Variants in XPO7 observed in about 807,000 individuals in gnomAD.
The protein encoded by XPO7 is exportin-7.
XPO7 carries 21 observed loss-of-function variants against 144.3 expected under a neutral mutation model. The observed-to-expected ratio is 0.15, with a 90% confidence interval of 0.10 to 0.21. The LOEUF (loss-of-function observed/expected upper bound fraction) is 0.21. XPO7 is among the 10% of genes least tolerant of loss of function. The pLI is 1.00. For missense variants in XPO7, 808 were observed against 1,325.8 expected, an observed-to-expected ratio of 0.61 and a Z score of 6.06; for synonymous variants, 580 against 499.6, an observed-to-expected ratio of 1.16 and a Z score of -2.15.
chr8:22,003,796 A>C, intron 26 of XPO7, 107 bp from the exon 27 acceptor site: 1 of 1,507,790 alleles, frequency 6.6e-7, no homozygotes, highest in Non-Finnish European at 9.0e-7. Flanking sequence ...TTTAGTAGAC[A>C]TTCCATTCCT....
At chr8:21,960,665 G>A (rs1585442902) in intron 1 of XPO7, among the ~76,000 whole-genome samples, 2 of 152,176 alleles carry the variant, frequency 1.3e-5, no homozygotes, top group South Asian at 4.1e-4. Context: ...ATTATCACTT[G>A]CTGAAAATAA....
rs779636992 is a variant in XPO7, at chr8:21,919,804, G to T, written c.18+16G>T. 3.0e-5 allele frequency: 15 copies of T among 494,112 alleles called. No homozygotes were observed. The highest frequency in any genetic ancestry group is 4.6e-5 in the Non-Finnish European group (15 of 325,778). 30.6% of individuals were successfully genotyped at this position (494,112 alleles called of 1,614,324 possible). On this transcript the variant is annotated intron_variant, in intron 1 of 27. Transcript: ENST00000252512. ...TCATGTGCAGGTGAGAGGAGCCGCG[G>T]GGGGGAGGGGGCGACCACGAAGAGC...
chr8:21,999,786 G>T lies in XPO7; in HGVS notation c.2782+112G>T. 7.9e-6 allele frequency: 11 copies of T among 1,392,336 alleles called. No individual in the cohort carries two copies. In the South Asian group the frequency reaches 1.3e-4, roughly 17 times the overall value. 86.2% of individuals were successfully genotyped at this position (1,392,336 alleles called of 1,614,324 possible). A position where few individuals can be genotyped will look rare whatever the true frequency, so the allele number is the denominator to read the frequency against. On this transcript the variant is annotated intron_variant, in intron 24 of 27. Transcript: ENST00000252512. ...CAAAAAGATCACCACTGCCTTGGGG[G>T]TTTGGCCATAACAATAGAGTATATA... is the stretch of plus-strand genomic sequence containing the variant.
Position 21,966,810 on chromosome 8 carries a change from A to T in XPO7, c.19-47A>T, listed in dbSNP as rs1811900135. On this transcript the variant is annotated intron_variant, in intron 1 of 27. Coordinates refer to ENST00000252512, the MANE Select transcript of XPO7 (RefSeq NM_015024.5). ...ATTAATTTTAAGCACAGTTGCTTAC[A>T]TTTGTAGTAGGCTGAACTGTTTTCT... 2.6e-6 allele frequency: 4 copies of T among 1,566,154 alleles called. No homozygotes were observed. The East Asian group carries it at 9.1e-5, about 36-fold the overall frequency.
At chr8:21,960,870 C>T (rs1007589043) in intron 1 of XPO7, among the ~76,000 whole-genome samples, 15 of 152,092 alleles carry the variant, frequency 9.9e-5, no homozygotes, top group Admixed American at 2.0e-4. Context: ...ACTTCTTTTC[C>T]ATTAGTATTA....
At chr8:21,945,776 T>G (rs373156765) in intron 1 of XPO7, among the ~76,000 whole-genome samples, 4 of 152,218 alleles carry the variant, frequency 2.6e-5, no homozygotes, top group Admixed American at 6.5e-5. Context: ...TAGATCCTCT[T>G]TAAATTTGAA....
intron 1 of XPO7, among the ~76,000 whole-genome samples, chr8:21,928,069 A>G (rs1449043447): frequency 6.6e-6 from 1 of 152,220 alleles, no homozygotes; most frequent in Non-Finnish European, 1.5e-5. Context: ...CAAAATATGG[A>G]ACATTTCCTC....
intron 21 of XPO7, among the ~76,000 whole-genome samples, chr8:21,996,474 A>G (rs530080444): frequency 2.4e-4 from 36 of 152,224 alleles, no homozygotes; most frequent in Non-Finnish European, 4.4e-4. Flanking sequence ...AAATTTGGCA[A>G]CCAAGATTCT....
rs146770260 is a variant in XPO7, at chr8:21,920,244, C to G, written c.18+456C>G. ...AAACCTCGCGCTGATAAACCTCGCT[C>G]TCCGGAGTCTTTCCCGCCGCCTTCC... On this transcript the variant is annotated intron_variant, in intron 1 of 27. Coordinates refer to ENST00000252512, the MANE Select transcript of XPO7 (RefSeq NM_015024.5). 2.8e-3 allele frequency among the ~76,000 whole-genome samples: 433 copies of G among 152,200 alleles called. 1 individual carries two copies. Among genetic ancestry groups the G allele is most frequent in the Non-Finnish European group, 5.0e-3 (339 of 67,990 alleles).
intron 1 of XPO7, among the ~76,000 whole-genome samples, chr8:21,963,549 G>T (rs1051641373): frequency 2.0e-5 from 3 of 152,110 alleles, no homozygotes; most frequent in African/African-American, 7.2e-5. Flanking sequence ...TAAAAAATTA[G>T]CTGGGCGTGG....
intron 21 of XPO7, among the ~76,000 whole-genome samples, chr8:21,998,428 A>G (rs1029246204): frequency 1.6e-4 from 25 of 152,192 alleles, no homozygotes; most frequent in Admixed American, 6.5e-5. Flanking sequence ...GCGACAGAGT[A>G]AGACTCCATC....
rs766334434 is a variant in XPO7, at chr8:21,981,896, G to T, written c.1104+19G>T. 6.2e-7 allele frequency: 1 copy of T among 1,609,784 alleles called. No individual in the cohort carries two copies. The highest frequency in any genetic ancestry group is 8.5e-7 in the Non-Finnish European group (1 of 1,176,484). ...CCTACAGGTTTGTCTTTGATTACTT[G>T]TGTCTTCCTTCCTAAATACTGGAAT... is the stretch of plus-strand genomic sequence containing the variant. On this transcript the variant is annotated intron_variant, in intron 10 of 27. Coordinates refer to ENST00000252512, the MANE Select transcript of XPO7 (RefSeq NM_015024.5).
intron 7 of XPO7, among the ~76,000 whole-genome samples, chr8:21,976,877 T>G (rs1450058555): frequency 1.3e-5 from 2 of 152,200 alleles, no homozygotes; most frequent in African/African-American, 4.8e-5. Context: ...CAAGCTAGTC[T>G]TGAACTCCTG....
At chr8:21,981,160 T>C (rs1021683189) in intron 9 of XPO7, among the ~76,000 whole-genome samples, 1 of 152,164 alleles carries the variant, frequency 6.6e-6, no homozygotes, top group African/African-American at 2.4e-5. Context: ...TCAGGAAACT[T>C]ACAATTAAAT....
At chr8:21,985,469 GA>G (rs1275808076) in intron 12 of XPO7, 116 bp from the exon 13 acceptor site, 1 of 975,738 alleles carries the variant, frequency 1.0e-6, no homozygotes, top group African/African-American at 1.6e-5. Context: ...TTCTCTGTAA[GA>G]AAAGTAAGAC....
intron 13 of XPO7, among the ~76,000 whole-genome samples, chr8:21,986,503 TTTTG>T (rs1189341541): frequency 2.0e-5 from 3 of 152,146 alleles, no homozygotes; most frequent in Non-Finnish European, 4.4e-5. Flanking sequence ...TCCACCCCCA[TTTTG>T]TTTATCAGAT....
At chr8:21,985,765 C>A (rs1812558508) in intron 13 of XPO7, 74 bp downstream of exon 13, 1 of 1,322,094 alleles carries the variant, frequency 7.6e-7, no homozygotes, top group African/African-American at 1.4e-5. Flanking sequence ...GTCCTCTCCA[C>A]TTACAGAACG....
At chr8:21,942,735 AC>A (rs1396869414) in intron 1 of XPO7, among the ~76,000 whole-genome samples, 2 of 152,220 alleles carry the variant, frequency 1.3e-5, no homozygotes, top group Admixed American at 6.5e-5. Context: ...CCTTACTCTT[AC>A]ATGAAAACCC....
chr8:21,949,723 G>C (rs1811309341), intron 1 of XPO7, among the ~76,000 whole-genome samples: 1 of 151,622 alleles, frequency 6.6e-6, no homozygotes, highest in Admixed American at 6.6e-5. Flanking sequence ...GCTGTTTGTT[G>C]TTGTTATTGT....
Sources: allele counts gnomAD v4.1 joint callset (sites outside exome capture counted in the v4.1 genomes callset), GRCh38; gene constraint gnomAD v4.1.1; transcripts MANE v1.5; gene names NCBI Gene and HGNC (gene_info 2026-07-23, HGNC 2026-07-21).